The following SMIM14 variants were observed in gnomAD, a reference collection of about 807,000 sequenced individuals.
The protein encoded by SMIM14 is chromosome 4 open reading frame 34.
In SMIM14, 5 loss-of-function variants were observed where a neutral mutation model predicts 12.6. The ratio of observed to expected loss-of-function variants is 0.40; its 90% CI spans 0.21 to 0.83. The LOEUF is 0.83. Among genes scored for constraint, SMIM14 ranks in the 40% least tolerant of loss-of-function variants. SMIM14 has a pLI of 0.37. For missense variants in SMIM14, 86 were observed against 119.1 expected, an observed-to-expected ratio of 0.72 and a Z score of 1.29; for synonymous variants, 30 against 40.1, an observed-to-expected ratio of 0.75 and a Z score of 0.95.
At chr4:39,560,300 T>C (rs537686548) in intron 3 of SMIM14, among the ~76,000 whole-genome samples, 2 of 146,706 alleles carry the variant, frequency 1.4e-5, no homozygotes, top group East Asian at 4.1e-4. Context: ...CAGGCTGGAG[T>C]GCAGTGGCGC....
At chr4:39,577,450 C>T (rs1451525394) in intron 2 of SMIM14, among the ~76,000 whole-genome samples, 5 of 143,970 alleles carry the variant, frequency 3.5e-5, no homozygotes, top group African/African-American at 7.7e-5. Context: ...TTTTTTGAGA[C>T]GGAGTCTGAC....
At chr4:39,617,968 A>G (rs989748561) in intron 1 of SMIM14, among the ~76,000 whole-genome samples, 4 of 152,222 alleles carry the variant, frequency 2.6e-5, no homozygotes. Context: ...ATCTTCTCCC[A>G]AGGTGCATCT....
chr4:39,571,557 C>T (rs28760398), intron 3 of SMIM14, among the ~76,000 whole-genome samples: 18,140 of 150,668 alleles, frequency 0.12, 2,464 homozygotes, highest in African/African-American at 0.34. Context: ...TCAGTGTGGG[C>T]GACAAAGCAA....
chr4:39,604,842 T>C (rs550176451), intron 2 of SMIM14, among the ~76,000 whole-genome samples: 148 of 152,154 alleles, frequency 9.7e-4, no homozygotes, highest in African/African-American at 3.4e-3. Flanking sequence ...AACTCCTGAG[T>C]TCAAGTGATC....
intron 2 of SMIM14, among the ~76,000 whole-genome samples, chr4:39,601,033 A>C (rs148701748): frequency 6.6e-6 from 1 of 152,182 alleles, no homozygotes; most frequent in African/African-American, 2.4e-5. Flanking sequence ...AAAATTTAAC[A>C]TAACAGATTT....
At chr4:39,603,681 A>G (rs1289197950) in intron 2 of SMIM14, among the ~76,000 whole-genome samples, 1 of 152,110 alleles carries the variant, frequency 6.6e-6, no homozygotes, top group Non-Finnish European at 1.5e-5. Context: ...TTGTTCAGAA[A>G]TCTACCTCTG....
chr4:39,587,426 C>T (rs1396966556), intron 2 of SMIM14, among the ~76,000 whole-genome samples: 3 of 137,194 alleles, frequency 2.2e-5, no homozygotes, highest in Non-Finnish European at 4.5e-5. Context: ...GAAACAGGGA[C>T]GTGGAGCTTG....
chr4:39,575,801 C>T (rs1713138561), intron 2 of SMIM14, among the ~76,000 whole-genome samples: 2 of 150,286 alleles, frequency 1.3e-5, no homozygotes, highest in South Asian at 4.2e-4. Flanking sequence ...TGCTATGTTA[C>T]CCAGGCTGGT....
intron 2 of SMIM14, among the ~76,000 whole-genome samples, chr4:39,599,914 T>G (rs1305418620): frequency 7.7e-5 from 10 of 129,952 alleles, no homozygotes; most frequent in African/African-American, 3.0e-4. Flanking sequence ...AGAGTGAGAC[T>G]CCGTCTCAAA....
intron 1 of SMIM14, among the ~76,000 whole-genome samples, chr4:39,615,265 G>A (rs1042658133): frequency 1.2e-4 from 19 of 152,222 alleles, no homozygotes; most frequent in African/African-American, 3.9e-4. Context: ...TAAGGGAAGC[G>A]GGGTGAGGAG....
chr4:39,622,524 C>G (rs549131343), intron 1 of SMIM14, among the ~76,000 whole-genome samples: 71 of 152,344 alleles, frequency 4.7e-4, no homozygotes, highest in African/African-American at 1.6e-3. Flanking sequence ...CCCCAGCCTC[C>G]CAAGTAGCTG....
rs1352853053 is a variant in SMIM14, at chr4:39,547,580, T to C, written c.*4546A>G. On this transcript the variant is annotated 3_prime_UTR_variant, in exon 5 of 5. Transcript: ENST00000295958. ...AACTTACTATTGCAACAACAAAAATTTAACCCATTAAACTAGAAACTCTCT... is the reference window on the plus strand; with the variant it reads ...AACTTACTATTGCAACAACAAAAATCTAACCCATTAAACTAGAAACTCTCT... 2 of 152,194 alleles carry C rather than the reference T, an allele frequency of 1.3e-5. No individual in the cohort carries two copies. Among genetic ancestry groups the C allele is most frequent in the Admixed American group, 6.5e-5 (1 of 15,276 alleles). 9.4% of individuals were successfully genotyped at this position (152,194 alleles called of 1,614,324 possible). A position where few individuals can be genotyped will look rare whatever the true frequency, so the allele number is the denominator to read the frequency against.
chr4:39,629,360 C>A (rs370202618), intron 1 of SMIM14, among the ~76,000 whole-genome samples: 913 of 80,048 alleles, frequency 0.011, no homozygotes, highest in African/African-American at 0.014. Flanking sequence ...GACTCTGTCT[C>A]AAAAAAAAAA....
intron 2 of SMIM14, among the ~76,000 whole-genome samples, chr4:39,575,777 T>C (rs1247036349): frequency 6.9e-6 from 1 of 144,116 alleles, no homozygotes. Flanking sequence ...TGTATTTTTG[T>C]AGAGATGGGG....
chr4:39,565,728 T>C (rs1236620624), intron 3 of SMIM14, among the ~76,000 whole-genome samples: 1 of 152,134 alleles, frequency 6.6e-6, no homozygotes, highest in Admixed American at 6.6e-5. Context: ...CACAGTGATA[T>C]GGTTTGGCTG....
chr4:39,573,400 CAT>C (rs1358345590), intron 2 of SMIM14, among the ~76,000 whole-genome samples: 1 of 152,058 alleles, frequency 6.6e-6, no homozygotes, highest in African/African-American at 2.4e-5. Context: ...GCCCGTGACC[CAT>C]GTTTTGGTTT....
intron 1 of SMIM14, among the ~76,000 whole-genome samples, chr4:39,606,360 G>A (rs1469918690): frequency 6.8e-6 from 1 of 146,108 alleles, no homozygotes; most frequent in Non-Finnish European, 1.5e-5. Flanking sequence ...AAAAAAAAAA[G>A]GGCTGAGTGT....
chr4:39,591,026 AC>A (rs1355918683), intron 2 of SMIM14, among the ~76,000 whole-genome samples: 2 of 151,322 alleles, frequency 1.3e-5, no homozygotes, highest in African/African-American at 4.9e-5. Flanking sequence ...GGTTCCAGGA[AC>A]CCCCCTCAGA....
rs372089075 is a variant in SMIM14 at position 39,629,435 on chromosome 4, G to A, written c.-36+9304C>T. 8.1e-4 allele frequency among the ~76,000 whole-genome samples: 111 copies of A among 137,886 alleles called. 1 individual carries two copies. Among genetic ancestry groups the A allele is most frequent in the African/African-American group, 2.8e-3 (106 of 37,892 alleles). The allele number at this position is 137,886 out of a possible 152,430, so 90.5% of individuals were successfully genotyped here. A position where few individuals can be genotyped will look rare whatever the true frequency, so the allele number is the denominator to read the frequency against. On this transcript the variant is annotated intron_variant, in intron 1 of 4. Coordinates refer to ENST00000295958, the MANE Select transcript of SMIM14 (RefSeq NM_174921.3). ...TGATCCCACATAATAGTGCATACAA[G>A]TAACTTATAAATGATTTTTTTTTTT... is the stretch of plus-strand genomic sequence containing the variant.
Sources: allele counts gnomAD v4.1 joint callset (sites outside exome capture counted in the v4.1 genomes callset), GRCh38; gene constraint gnomAD v4.1.1; transcripts MANE v1.5; gene names NCBI Gene and HGNC (gene_info 2026-07-23, HGNC 2026-07-21).